CYP4F8: variants seen among roughly 807,000 people sequenced by gnomAD.
CYP4F8 encodes the protein cytochrome P450 family 4 subfamily F member 8, also known as cytochrome P450 4F8.
In CYP4F8, 56 loss-of-function variants were observed where a neutral mutation model predicts 55.0. The observed-to-expected ratio is 1.02, with a 90% CI of 0.82 to 1.27. The LOEUF (loss-of-function observed/expected upper bound fraction) is 1.27, where lower values mean the gene tolerates loss of function less well. CYP4F8 is among the 50% of genes most tolerant of loss of function. The probability of loss-of-function intolerance (pLI) is 0.00; values close to 1 mark genes in which losing one functional copy is unlikely to be tolerated. For missense variants in CYP4F8, 680 were observed against 682.4 expected (o/e 1.00, Z 0.04); for synonymous variants, 288 against 267.3 (o/e 1.08, Z -0.76).
In CYP4F8 at chr19:15,623,206, C is replaced by A. The variant is rs745365928; in HGVS notation, c.749C>A (p.Thr250Asn). Residue 250 changes from threonine to asparagine, a missense_variant, in exon 7 of 13, where the codon ACT becomes AAT. Thr to Asn is a moderately conservative substitution (Grantham distance 65). Transcript: ENST00000612078. Reference protein sequence around the residue: ...FRYKDFLYFLTPCGRRFHRAC... With the variant: ...FRYKDFLYFLNPCGRRFHRAC... ...TACAAGGACTTCCTGTACTTCCTCA[C>A]TCCCTGTGGACGGCGCTTCCACAGG... 3.7e-6 allele frequency: 6 copies of A among 1,614,016 alleles called. No individual in the cohort carries two copies. The East Asian group carries it at 1.3e-4, about 36-fold the overall frequency.
rs1339685174 is a variant in CYP4F8, at chr19:15,628,296, C to T, written c.1116-6C>T. The T allele has an allele frequency of 2.5e-6, 4 of 1,613,848 alleles. No homozygotes were observed. Among genetic ancestry groups the T allele is most frequent in the African/African-American group, 1.3e-5 (1 of 74,876 alleles). On this transcript the variant is annotated splice_region_variant and splice_polypyrimidine_tract_variant and intron_variant, in intron 9 of 12. Transcript: ENST00000612078. ...CTCTCTGGATAATTGTTGGGTGTTTCCTTAGGGACGACCTGGCCCAGTTGC... is the reference window on the plus strand; with the variant it reads ...CTCTCTGGATAATTGTTGGGTGTTTTCTTAGGGACGACCTGGCCCAGTTGC...
Position 15,618,164 on chromosome 19 carries a change from G to C in CYP4F8, c.343+20G>C. On this transcript the variant is annotated intron_variant, in intron 3 of 12. Coordinates refer to ENST00000612078, the MANE Select transcript of CYP4F8 (RefSeq NM_007253.4). ...CCTCAGGTACTCCTGCAGAGCTTGT[G>C]GTGGTGGGCACAGGAGAACATTGGA... The C allele has an allele frequency of 6.2e-7, 1 of 1,614,032 alleles. No individual in the cohort carries two copies.
At chr19:15,615,520 A>G in intron 1 of CYP4F8, 96 bp from the exon 2 acceptor site, 4 of 1,373,602 alleles carry the variant, frequency 2.9e-6, no homozygotes, top group South Asian at 1.4e-5. Context: ...ATCTCCCTCC[A>G]TGCTCTTAAC....
In CYP4F8 at chr19:15,629,462, C is replaced by G; in HGVS notation, c.*104C>G. 3.5e-6 allele frequency: 5 copies of G among 1,412,606 alleles called. No homozygotes were observed. Among genetic ancestry groups the G allele is most frequent in the Non-Finnish European group, 4.6e-6 (5 of 1,075,564 alleles). 87.5% of individuals were successfully genotyped at this position (1,412,606 alleles called of 1,614,324 possible). A position where few individuals can be genotyped will look rare whatever the true frequency, so the allele number is the denominator to read the frequency against. ...TCTGTGTTGGCCCCTGTGCCTCAGTCCCGCGGATGGCCAGTAGGGGGCGCT... is the reference window on the plus strand; with the variant it reads ...TCTGTGTTGGCCCCTGTGCCTCAGTGCCGCGGATGGCCAGTAGGGGGCGCT... On this transcript the variant is annotated 3_prime_UTR_variant, in exon 13 of 13. Coordinates refer to ENST00000612078, the MANE Select transcript of CYP4F8 (RefSeq NM_007253.4).
chr19:15,619,586 G>A (rs374926162), intron 4 of CYP4F8, 43 bp downstream of exon 4: 1 of 1,613,422 alleles, frequency 6.2e-7, no homozygotes, highest in Non-Finnish European at 8.5e-7. Context: ...AACTTTTGTG[G>A]CCAGGGGAAG....
At position 15,624,003 on chromosome 19, in the gene CYP4F8, T is replaced by C; in HGVS notation, c.1024T>C (p.Tyr342His). ...GGCCAGTGGCCTCTCCTGGGTCTTG[T>C]ACAACCTCGCGAGGCACCCAGAATA... Reference protein sequence around the residue: ...TTASGLSWVLYNLARHPEYQE... With the variant: ...TTASGLSWVLHNLARHPEYQE... The change falls in exon 9 of 13, where the codon TAC becomes CAC. Residue 342 changes from tyrosine (Y) to histidine (H), a missense_variant. Tyr to His is a moderately conservative substitution (Grantham distance 83). Transcript: ENST00000612078. 1.2e-6 allele frequency: 2 copies of C among 1,614,148 alleles called. No homozygotes were observed. The highest frequency in any genetic ancestry group is 1.7e-6 in the Non-Finnish European group (2 of 1,180,032).
At chr19:15,616,658 G>A (rs1972126790) in intron 2 of CYP4F8, among the ~76,000 whole-genome samples, 1 of 152,134 alleles carries the variant, frequency 6.6e-6, no homozygotes, top group Admixed American at 6.5e-5. Context: ...GAAGAGAGAT[G>A]TGTGCCATCT....
intron 4 of CYP4F8, 42 bp downstream of exon 4, chr19:15,619,585 G>A (rs775896118): frequency 6.2e-7 from 1 of 1,613,402 alleles, no homozygotes; most frequent in Non-Finnish European, 8.5e-7. Flanking sequence ...CAACTTTTGT[G>A]GCCAGGGGAA....
At position 15,615,822 on chromosome 19, in the gene CYP4F8, G is replaced by A. The variant is rs1972108797; in HGVS notation, c.198+8G>A. 6.2e-7 allele frequency: 1 copy of A among 1,605,468 alleles called. No individual in the cohort carries two copies. The highest frequency in any genetic ancestry group is 1.7e-5 in the Admixed American group (1 of 59,508). On this transcript the variant is annotated splice_region_variant and intron_variant, in intron 2 of 12. Transcript: ENST00000612078. ...TTGGGTCACCTGGGCCTGGTGAGTG[G>A]CAGGAGGATGGATCTAGTGTCTCAG...
At chr19:15,615,883 G>A in intron 2 of CYP4F8, 69 bp downstream of exon 2, 2 of 1,422,234 alleles carry the variant, frequency 1.4e-6, no homozygotes, top group Non-Finnish European at 9.4e-7. Flanking sequence ...GGCTGAGGGG[G>A]TGGGCTCGGG....
chr19:15,615,765 G>A lies in CYP4F8; in HGVS notation c.149G>A (p.Cys50Tyr). 1 of 1,614,002 alleles carries A rather than the reference G, an allele frequency of 6.2e-7. No individual in the cohort carries two copies. Among genetic ancestry groups the A allele is most frequent in the South Asian group, 1.1e-5 (1 of 91,080 alleles). Residue 50 changes from cysteine (C) to tyrosine (Y), a missense_variant, in exon 2 of 13, where the codon TGT becomes TAT. Cys to Tyr is a radical substitution (Grantham distance 194). Transcript: ENST00000612078. ...TATCACAACGGCCGCCGCCTCCGGTGTTTCCCGCAGCCCCGGAAACAGAAC... is the reference window on the plus strand; with the variant it reads ...TATCACAACGGCCGCCGCCTCCGGTATTTCCCGCAGCCCCGGAAACAGAAC... ...AFYHNGRRLR[C>Y]FPQPRKQNWF...
intron 5 of CYP4F8, among the ~76,000 whole-genome samples, chr19:15,620,431 C>A (rs1972178844): frequency 6.6e-6 from 1 of 152,126 alleles, no homozygotes; most frequent in African/African-American, 2.4e-5. Flanking sequence ...TGAAGTCTCG[C>A]TTTGTCTCCC....
Position 15,628,777 on chromosome 19 carries a change from G to C in CYP4F8, c.1331G>C (p.Arg444Pro), listed in dbSNP as rs778565212. Reference protein sequence around the residue: ...WPDPEVYDPFRFDPENAQKRS... With the variant: ...WPDPEVYDPFPFDPENAQKRS... Reference sequence around the variant, plus strand: ...CCACCCCAGGTCTATGACCCCTTCCGCTTCGACCCAGAAAACGCCCAGAAG... The same window carrying C: ...CCACCCCAGGTCTATGACCCCTTCCCCTTCGACCCAGAAAACGCCCAGAAG... Residue 444 changes from arginine (R) to proline (P), a missense_variant, in exon 12 of 13, where the codon CGC becomes CCC. Arg to Pro is a moderately radical substitution (Grantham distance 103, BLOSUM62 -2). Transcript: ENST00000612078. 17 of 1,612,016 alleles carry C rather than the reference G, an allele frequency of 1.1e-5. No homozygotes were observed. In the South Asian group the frequency reaches 1.9e-4, roughly 18 times the overall value.
intron 5 of CYP4F8, among the ~76,000 whole-genome samples, chr19:15,621,262 C>G (rs965336421): frequency 6.6e-6 from 1 of 152,188 alleles, no homozygotes; most frequent in Non-Finnish European, 1.5e-5. Context: ...TCAGGGTTGA[C>G]CGGGTGTGGT....
At chr19:15,621,277 C>T (rs185983533) in intron 5 of CYP4F8, among the ~76,000 whole-genome samples, 94 of 152,284 alleles carry the variant, frequency 6.2e-4, no homozygotes, top group Non-Finnish European at 1.0e-3. Context: ...TGTGGTGGCT[C>T]ATGCTTGTAA....
intron 9 of CYP4F8, among the ~76,000 whole-genome samples, chr19:15,625,478 T>A (rs1383682477): frequency 6.6e-6 from 1 of 151,218 alleles, no homozygotes; most frequent in Non-Finnish European, 1.5e-5. Flanking sequence ...TATATATGCC[T>A]ATCTTAGGCA....
intron 12 of CYP4F8, 40 bp downstream of exon 12, chr19:15,628,883 G>A (rs1196567621): frequency 6.5e-7 from 1 of 1,542,616 alleles, no homozygotes; most frequent in Non-Finnish European, 8.7e-7. Context: ...TGGGCTGAGG[G>A]TGGCACAGAT....
In CYP4F8 at chr19:15,618,062, C is replaced by T. The variant is rs371096623; in HGVS notation, c.261C>T (p.Gly87=). 22 of 1,614,010 alleles carry T rather than the reference C, an allele frequency of 1.4e-5. No individual in the cohort carries two copies. Among genetic ancestry groups the T allele is most frequent in the Non-Finnish European group, 1.7e-5 (20 of 1,180,010 alleles). The change falls in exon 3 of 13, where the codon GGC becomes GGT. Residue 87 remains glycine, a synonymous_variant. Transcript: ENST00000612078. ...AGCTGGTGGCCACCTACCCCCAGGG[C>T]TTTGTGAGGTGGTTGGGCCCCATCA... ...LTQLVATYPQ[G]FVRWLGPITP... is the part of the protein sequence containing the mutation.
At chr19:15,621,530 A>G (rs28434016) in intron 5 of CYP4F8, 23,396 of 152,284 alleles carry the variant, frequency 0.15, 1,860 homozygotes, top group Middle Eastern at 0.21. Flanking sequence ...CATCTCAAAA[A>G]CTAGCAAACA....
Sources: gnomAD v4.1 joint callset for allele counts (sites outside exome capture counted in the v4.1 genomes callset) on GRCh38, gnomAD v4.1.1 for gene constraint, MANE v1.5 for transcripts, NCBI Gene and HGNC (gene_info 2026-07-23, HGNC 2026-07-21) for gene names.